MAGI1: variants seen among roughly 807,000 people sequenced by gnomAD.
MAGI1 encodes membrane-associated guanylate kinase, WW and PDZ domain-containing protein 1.
A neutral mutation model predicts 139.9 loss-of-function variants in MAGI1; 58 were observed. The ratio of observed to expected loss-of-function variants is 0.41; its 90% confidence interval spans 0.34 to 0.52. The LOEUF is 0.52. Among genes scored for constraint, MAGI1 ranks in the 20% least tolerant of loss-of-function variants. The probability of loss-of-function intolerance (pLI) is 0.12; values close to 1 mark genes in which losing one functional copy is unlikely to be tolerated. For missense variants in MAGI1, 1,874 were observed against 1,901.6 expected (o/e 0.99, Z 0.27); for synonymous variants, 812 against 737.9 (o/e 1.10, Z -1.63).
At chr3:65,754,510 GT>G in intron 1 of MAGI1, among the ~76,000 whole-genome samples, 1 of 152,238 alleles carries the variant, frequency 6.6e-6, no homozygotes, top group Admixed American at 6.5e-5. Context: ...TTTGAAACAA[GT>G]ATCTTATTAG....
At chr3:65,599,490 G>A (rs2082382049) in intron 2 of MAGI1, among the ~76,000 whole-genome samples, 1 of 152,132 alleles carries the variant, frequency 6.6e-6, no homozygotes, top group Admixed American at 6.5e-5. Context: ...CAATACTGGA[G>A]TCAGACTCAC....
At chr3:65,657,771 A>G (rs1357853302) in intron 1 of MAGI1, among the ~76,000 whole-genome samples, 1 of 152,196 alleles carries the variant, frequency 6.6e-6, no homozygotes, top group Non-Finnish European at 1.5e-5. Flanking sequence ...TCCAATAAAA[A>G]TCAAACCACC....
chr3:65,464,325 T>G (rs569427750), intron 5 of MAGI1, among the ~76,000 whole-genome samples: 5 of 152,288 alleles, frequency 3.3e-5, no homozygotes, highest in African/African-American at 1.2e-4. Context: ...CACTGGGAGT[T>G]TAGATTGTTA....
chr3:65,852,860 G>T (rs2059250321), intron 1 of MAGI1, among the ~76,000 whole-genome samples: 1 of 151,982 alleles, frequency 6.6e-6, no homozygotes. Context: ...TTTTGGCTGG[G>T]CGCCATGGCT....
At chr3:65,866,749 T>C (rs1233673642) in intron 1 of MAGI1, among the ~76,000 whole-genome samples, 2 of 152,162 alleles carry the variant, frequency 1.3e-5, no homozygotes, top group Admixed American at 1.3e-4. Flanking sequence ...CTAAGTTTGA[T>C]TGTTTCCTAA....
intron 1 of MAGI1, among the ~76,000 whole-genome samples, chr3:65,878,817 T>G (rs986675063): frequency 3.3e-5 from 5 of 152,166 alleles, no homozygotes; most frequent in Non-Finnish European, 5.9e-5. Context: ...TGGACTGATT[T>G]AACGACCATC....
intron 1 of MAGI1, among the ~76,000 whole-genome samples, chr3:65,876,585 T>C (rs1334037985): frequency 6.6e-6 from 1 of 152,018 alleles, no homozygotes; most frequent in Non-Finnish European, 1.5e-5. Flanking sequence ...CATTTCTAAA[T>C]ATAGAGGGAA....
chr3:65,418,321 G>A (rs1946381342), intron 12 of MAGI1, among the ~76,000 whole-genome samples: 1 of 152,254 alleles, frequency 6.6e-6, no homozygotes, highest in African/African-American at 2.4e-5. Context: ...TCAGAACTGT[G>A]CACAAACAAT....
chr3:65,547,877 C>T (rs1031286367), intron 2 of MAGI1, among the ~76,000 whole-genome samples: 2 of 152,066 alleles, frequency 1.3e-5, no homozygotes, highest in East Asian at 3.9e-4. Flanking sequence ...CAGGGCAGAG[C>T]CTGGAGTTCA....
chr3:65,689,610 G>A (rs2088391237), intron 1 of MAGI1, among the ~76,000 whole-genome samples: 1 of 152,144 alleles, frequency 6.6e-6, no homozygotes, highest in East Asian at 1.9e-4. Context: ...CACAGACAAG[G>A]AAAACTCCTG....
At chr3:65,712,314 T>C (rs1576841336) in intron 1 of MAGI1, among the ~76,000 whole-genome samples, 1 of 151,988 alleles carries the variant, frequency 6.6e-6, no homozygotes, top group African/African-American at 2.4e-5. Flanking sequence ...AGGGAGGCCA[T>C]GTGTAGGTTC....
chr3:65,821,872 A>C (rs547946374), intron 1 of MAGI1, among the ~76,000 whole-genome samples: 63 of 152,336 alleles, frequency 4.1e-4, no homozygotes, highest in African/African-American at 1.4e-3. Flanking sequence ...AACCCTAACA[A>C]GGCATGATGG....
At chr3:65,645,727 C>G (rs1187147454) in intron 1 of MAGI1, among the ~76,000 whole-genome samples, 3 of 152,004 alleles carry the variant, frequency 2.0e-5, no homozygotes, top group African/African-American at 7.2e-5. Context: ...ATATTTCAGA[C>G]AATGATATTA....
intron 1 of MAGI1, among the ~76,000 whole-genome samples, chr3:65,622,667 G>A (rs2083748685): frequency 1.3e-5 from 2 of 151,998 alleles, no homozygotes; most frequent in Middle Eastern, 3.2e-3. Flanking sequence ...AGATTCAAGC[G>A]ATTCTCCTGC....
At chr3:65,630,240 C>G (rs968865789) in intron 1 of MAGI1, among the ~76,000 whole-genome samples, 1 of 152,170 alleles carries the variant, frequency 6.6e-6, no homozygotes, top group East Asian at 1.9e-4. Context: ...CCCTGAGCAG[C>G]AGGGTATATG....
At chr3:65,731,356 T>C (rs1467905710) in intron 1 of MAGI1, among the ~76,000 whole-genome samples, 1 of 152,024 alleles carries the variant, frequency 6.6e-6, no homozygotes, top group Non-Finnish European at 1.5e-5. Flanking sequence ...TCTAACAGCA[T>C]TTAAGGAAAT....
intron 1 of MAGI1, among the ~76,000 whole-genome samples, chr3:65,880,794 C>T (rs1163310057): frequency 6.6e-6 from 1 of 152,118 alleles, no homozygotes; most frequent in Non-Finnish European, 1.5e-5. Context: ...CTAGTTGTAA[C>T]CTCCTGAATT....
At position 65,356,537 on chromosome 3, in the gene MAGI1, C is replaced by G; in HGVS notation, c.4230G>C (p.Arg1410Ser). The change falls in exon 23 of 23, where the codon AGG (arginine) becomes AGC (serine). Residue 1410 changes from arginine to serine, a missense_variant. Around this residue, in one of 5 missense-constraint regions of MAGI1, gnomAD observed 653 missense variants for 644.5 expected, o/e 1.01. Transcript: ENST00000402939. ...TCCTTTTGTCCAGGGACCGCTCTCT[C>G]CTGCGCTCGGGGGAGCGTGCGCGCC... ...DRRRARSPERRRERSLDKRNR... is the reference protein window; with the variant it reads ...DRRRARSPERSRERSLDKRNR... 1 of 1,610,242 alleles carries G rather than the reference C, an allele frequency of 6.2e-7. No homozygotes were observed. The highest frequency in any genetic ancestry group is 8.5e-7 in the Non-Finnish European group (1 of 1,179,858).
chr3:65,968,949 T>G (rs749079911), intron 1 of MAGI1, among the ~76,000 whole-genome samples: 1 of 152,200 alleles, frequency 6.6e-6, no homozygotes, highest in African/African-American at 2.4e-5. Flanking sequence ...TCCAAGGTAG[T>G]CAGAGAGCAT....
Sources: gnomAD v4.1 joint callset for allele counts (sites outside exome capture counted in the v4.1 genomes callset) on GRCh38, gnomAD v4.1.1 for gene constraint, gnomAD v4.1.1 regional missense constraint, MANE v1.5 for transcripts, NCBI Gene and HGNC (gene_info 2026-07-23, HGNC 2026-07-21) for gene names.